Variants in SWI5 observed in about 807,000 individuals in gnomAD.
SWI5 encodes DNA repair protein SWI5 homolog.
SWI5 carries 12 observed loss-of-function variants against 17.0 expected under a neutral mutation model. The ratio of observed to expected loss-of-function variants is 0.71; its 90% confidence interval spans 0.45 to 1.14. The LOEUF (loss-of-function observed/expected upper bound fraction) is 1.14. Ranked by LOEUF, SWI5 falls within the 50% of genes most tolerant of loss-of-function variation. The pLI is 0.00. For missense variants in SWI5, 158 were observed against 162.2 expected (o/e 0.97, Z 0.14); for synonymous variants, 61 against 64.0 (o/e 0.95, Z 0.22).
At chr9:128,278,494 G>C (rs1044386970) in intron 2 of SWI5, 40 of 366,706 alleles carry the variant, frequency 1.1e-4, no homozygotes, top group Admixed American at 6.9e-5. Flanking sequence ...TTGAACCCAG[G>C]GGGTGGAGGT....
upstream of SWI5, chr9:128,276,024 G>C (rs1588498005): frequency 6.3e-7 from 1 of 1,591,136 alleles, no homozygotes; most frequent in East Asian, 2.2e-5. Flanking sequence ...CCACCGCGCA[G>C]CTGTGCGACG....
At chr9:128,278,612 T>G (rs1295244937) in intron 2 of SWI5, 1 of 470,538 alleles carries the variant, frequency 2.1e-6, no homozygotes. Flanking sequence ...ATCAGCTTAC[T>G]TTACATGCAT....
chr9:128,286,261 G>A, intron 4 of SWI5: 1 of 511,358 alleles, frequency 2.0e-6, no homozygotes, highest in East Asian at 3.2e-5. Context: ...AGCCAGGTTT[G>A]AGCGGGGCTT....
At chr9:128,284,568 A>G in exon 3 of SWI5, 1 of 1,614,016 alleles carries the variant, frequency 6.2e-7, no homozygotes, top group Non-Finnish European at 8.5e-7. Context: ...CTGCACCTTG[A>G]CATTCAGAAA....
In SWI5 at chr9:128,283,007, T is replaced by C. The variant is rs549574798; in HGVS notation, c.112-1503T>C. 2.0e-5 allele frequency among the ~76,000 whole-genome samples: 3 copies of C among 152,066 alleles called. No homozygotes were observed. The East Asian group carries it at 5.8e-4, about 29-fold the overall frequency. ...AGCCTGGCCAACATGGCAAAAACCCTGTCTCTACTAAAAATACAAAAATTA... is the reference window on the plus strand; with the variant it reads ...AGCCTGGCCAACATGGCAAAAACCCCGTCTCTACTAAAAATACAAAAATTA... On this transcript the variant is annotated intron_variant, in intron 2 of 4. Coordinates refer to ENST00000418976, the Ensembl canonical transcript of SWI5.
Position 128,276,326 on chromosome 9 carries a change from T to C in SWI5, c.-15T>C, listed in dbSNP as rs971289652. 7 of 1,612,978 alleles carry C rather than the reference T, an allele frequency of 4.3e-6. No homozygotes were observed. The highest frequency in any genetic ancestry group is 3.3e-5 in the Admixed American group (2 of 59,924). On this transcript the variant is annotated 5_prime_UTR_variant, in exon 1 of 5. Coordinates refer to ENST00000418976, the Ensembl canonical transcript of SWI5. ...TGGCCCGGTGCACCTGAGAGGTCGC[T>C]CTCCGACTCCCGCGCTGGACCCTCT...
At position 128,288,635 on chromosome 9, in the gene SWI5, G is replaced by T. The variant is rs190041614; in HGVS notation, c.329-17G>T. 9.9e-6 allele frequency: 16 copies of T among 1,614,078 alleles called. No individual in the cohort carries two copies. The African/African-American group carries it at 1.6e-4, about 16-fold the overall frequency. On this transcript the variant is annotated splice_polypyrimidine_tract_variant and intron_variant, in intron 4 of 4. Transcript: ENST00000418976. ...CCTCTCCCCACTGCACATTCAGCCT[G>T]CCTTCCTTCCTTTCAGCTGTGATCC... is the stretch of plus-strand genomic sequence containing the variant.
At chr9:128,276,495 C>T (rs1012528207) in intron 1 of SWI5, 93 bp downstream of exon 1, 7 of 1,577,306 alleles carry the variant, frequency 4.4e-6, no homozygotes, top group Non-Finnish European at 5.2e-6. Context: ...CAAAGACTCC[C>T]ATCCAGTGCT....
At chr9:128,288,670 C>G (rs540426180) in exon 5 of SWI5, 2 of 1,614,046 alleles carry the variant, frequency 1.2e-6, no homozygotes, top group African/African-American at 2.7e-5. Flanking sequence ...CGAGGTGTCA[C>G]CACCAAAGAG....
Position 128,281,028 on chromosome 9 carries a change from C to CTTT in SWI5, c.112-3455_112-3453dup, listed in dbSNP as rs11306272. Among the ~76,000 whole-genome samples the CTTT allele has an allele frequency of 1.9e-3, 84 of 43,772 alleles. 13 individuals carry two copies. The highest frequency in any genetic ancestry group is 4.7e-3 in the East Asian group (4 of 860). 28.7% of individuals were successfully genotyped at this position (43,772 alleles called of 152,430 possible). On this transcript the variant is annotated intron_variant, in intron 2 of 4. Coordinates refer to ENST00000418976, the Ensembl canonical transcript of SWI5. ...CGTGTTCAATACAGATTCAACCATGCTTTTTTTTTTTTTTTTTTTTTTTTT... is the reference window on the plus strand; with the variant it reads ...CGTGTTCAATACAGATTCAACCATGCTTTTTTTTTTTTTTTTTTTTTTTTTTTT...
At chr9:128,286,916 T>G (rs1831649113) in intron 4 of SWI5, among the ~76,000 whole-genome samples, 1 of 151,058 alleles carries the variant, frequency 6.6e-6, no homozygotes, top group Non-Finnish European at 1.5e-5. Flanking sequence ...GAGGCCGAGG[T>G]AAGTGGATCA....
At position 128,285,803 on chromosome 9, in the gene SWI5, A is replaced by G. The variant is rs1320474348; in HGVS notation, c.234-136A>G. 4 of 612,668 alleles carry G rather than the reference A, an allele frequency of 6.5e-6. No homozygotes were observed. The highest frequency in any genetic ancestry group is 5.9e-6 in the Non-Finnish European group (2 of 336,642). The allele number at this position is 612,668 out of a possible 1,614,324, so 38.0% of individuals were successfully genotyped here. On this transcript the variant is annotated intron_variant, in intron 3 of 4. Transcript: ENST00000418976. The surrounding 1 kb of genome is among the most constrained non-coding windows in gnomAD (Gnocchi z 4.8). ...TGTAAGCTTCATGAGGGCAGGGCCTATCTTGCTGTCACCATATCCCTAGTA... is the reference window on the plus strand; with the variant it reads ...TGTAAGCTTCATGAGGGCAGGGCCTGTCTTGCTGTCACCATATCCCTAGTA...
At chr9:128,288,705 A>T (rs754852764) in exon 5 of SWI5, 1 of 1,614,202 alleles carries the variant, frequency 6.2e-7, no homozygotes, top group Admixed American at 1.7e-5. Flanking sequence ...TGGGCTGGAC[A>T]TGAATGACTG....
intron 4 of SWI5, among the ~76,000 whole-genome samples, chr9:128,288,235 G>A (rs866652677): frequency 6.6e-6 from 1 of 152,112 alleles, no homozygotes; most frequent in South Asian, 2.1e-4. Context: ...GGGCAAACTC[G>A]AGCAGTGGGC....
exon 5 of SWI5, chr9:128,288,824 C>A: frequency 7.7e-7 from 1 of 1,292,470 alleles, no homozygotes. Flanking sequence ...CGAGACAATG[C>A]CAGAAGCACT....
intron 2 of SWI5, among the ~76,000 whole-genome samples, chr9:128,279,989 T>C (rs1035109845): frequency 2.0e-5 from 3 of 152,238 alleles, no homozygotes; most frequent in African/African-American, 7.2e-5. Context: ...TCTTAGGTTA[T>C]ATTAGTAGTG....
intron 2 of SWI5, among the ~76,000 whole-genome samples, chr9:128,278,151 C>T (rs957915127): frequency 2.6e-5 from 4 of 151,978 alleles, no homozygotes; most frequent in African/African-American, 2.4e-5. Context: ...GACAAATTTT[C>T]GCCATGTTGC....
intron 2 of SWI5, among the ~76,000 whole-genome samples, chr9:128,279,441 G>T (rs1290057886): frequency 6.6e-6 from 1 of 152,150 alleles, no homozygotes; most frequent in Non-Finnish European, 1.5e-5. Context: ...AAGGTGAGTC[G>T]TCCAAGTGAT....
intron 3 of SWI5, among the ~76,000 whole-genome samples, 179 bp downstream of exon 3, chr9:128,284,810 G>C (rs1430118422): frequency 2.0e-5 from 3 of 152,070 alleles, no homozygotes; most frequent in Non-Finnish European, 4.4e-5. Context: ...ACAAAAAATA[G>C]CTGGGCACAG....
Sources: gnomAD v4.1 joint callset for allele counts (sites outside exome capture counted in the v4.1 genomes callset) on GRCh38, gnomAD v4.1.1 for gene constraint, Gnocchi (gnomAD v3.1) non-coding constraint, MANE v1.5 for transcripts, NCBI Gene and HGNC (gene_info 2026-07-23, HGNC 2026-07-21) for gene names.